DLG2: variants seen among roughly 807,000 people sequenced by gnomAD.
DLG2 encodes disks large homolog 2.
DLG2 carries 45 observed loss-of-function variants against 132.5 expected under a neutral mutation model. The ratio of observed to expected loss-of-function variants is 0.34; its 90% confidence interval spans 0.27 to 0.44. DLG2 has a LOEUF of 0.44. DLG2 is among the 20% of genes least tolerant of loss of function. DLG2 has a pLI of 1.00. For missense variants in DLG2, 1,045 were observed against 1,196.9 expected, an observed-to-expected ratio of 0.87 and a Z score of 1.87; for synonymous variants, 424 against 419.6, an observed-to-expected ratio of 1.01 and a Z score of -0.13.
chr11:83,581,361 A>C (rs2096972802), intron 19 of DLG2, among the ~76,000 whole-genome samples: 1 of 152,210 alleles, frequency 6.6e-6, no homozygotes, highest in Non-Finnish European at 1.5e-5. Context: ...TCTCAGATTC[A>C]AGAAACAGAA....
At chr11:84,617,752 G>A (rs1231895658) in intron 6 of DLG2, among the ~76,000 whole-genome samples, 1 of 152,062 alleles carries the variant, frequency 6.6e-6, no homozygotes, top group Non-Finnish European at 1.5e-5. Flanking sequence ...ATAAAAGTGA[G>A]CACTACTAAT....
chr11:83,966,876 T>C (rs1390958085), intron 12 of DLG2, among the ~76,000 whole-genome samples: 1 of 152,050 alleles, frequency 6.6e-6, no homozygotes, highest in Non-Finnish European at 1.5e-5. Context: ...TTTTTATCCT[T>C]TCATCTGTAT....
intron 7 of DLG2, among the ~76,000 whole-genome samples, chr11:84,342,334 G>C (rs4944486): frequency 0.02 from 3,104 of 152,316 alleles, 98 homozygotes; most frequent in South Asian, 0.13. Flanking sequence ...TACTAATACA[G>C]CAGGAGTGTA....
intron 6 of DLG2, among the ~76,000 whole-genome samples, chr11:85,076,088 A>C (rs142129882): frequency 6.6e-6 from 1 of 152,064 alleles, no homozygotes. Context: ...ATCTTTCATC[A>C]AAGTAATAAT....
intron 7 of DLG2, among the ~76,000 whole-genome samples, chr11:84,492,694 C>T (rs1047075397): frequency 1.3e-5 from 2 of 152,142 alleles, no homozygotes; most frequent in Admixed American, 1.3e-4. Context: ...CTGTTTTTGT[C>T]ATCCTCATCA....
At chr11:84,079,278 G>GTTTTTTTTTTTTTGT (rs34283629) in intron 10 of DLG2, among the ~76,000 whole-genome samples, 1 of 147,264 alleles carries the variant, frequency 6.8e-6, no homozygotes. Context: ...TTTTTGGTTT[G>GTTTTTTTTTTTTTGT]TTTTTTTTTT....
intron 4 of DLG2, among the ~76,000 whole-genome samples, chr11:85,217,417 T>C (rs2082696233): frequency 6.6e-6 from 1 of 152,014 alleles, no homozygotes; most frequent in Admixed American, 6.6e-5. Context: ...TTGCAAGTCT[T>C]TGCAATGACT....
intron 6 of DLG2, among the ~76,000 whole-genome samples, chr11:84,714,347 G>T (rs1252422949): frequency 6.6e-6 from 1 of 151,960 alleles, no homozygotes; most frequent in African/African-American, 2.4e-5. Flanking sequence ...ATAAACAAAT[G>T]GGCAAACAAA....
At chr11:83,692,350 A>C (rs1278561483) in intron 18 of DLG2, among the ~76,000 whole-genome samples, 1 of 152,248 alleles carries the variant, frequency 6.6e-6, no homozygotes, top group Non-Finnish European at 1.5e-5. Flanking sequence ...AAATGGAAGT[A>C]ATAACATGCC....
intron 6 of DLG2, among the ~76,000 whole-genome samples, chr11:84,620,468 A>G (rs2154541010): frequency 6.6e-6 from 1 of 152,130 alleles, no homozygotes. Flanking sequence ...ACAAAGTGGG[A>G]GAAGACATCT....
chr11:84,231,889 GCA>G (rs1186857727), intron 8 of DLG2, among the ~76,000 whole-genome samples: 24 of 152,026 alleles, frequency 1.6e-4, no homozygotes, highest in African/African-American at 5.6e-4. Context: ...GAAGAAGATA[GCA>G]CAGAGACAGG....
intron 7 of DLG2, among the ~76,000 whole-genome samples, chr11:84,406,565 C>T (rs2154450093): frequency 6.6e-6 from 1 of 152,292 alleles, no homozygotes. Context: ...GTTTTGAACT[C>T]TTGGGCTAAA....
At chr11:84,824,931 A>C (rs1445300591) in intron 6 of DLG2, among the ~76,000 whole-genome samples, 1 of 151,890 alleles carries the variant, frequency 6.6e-6, no homozygotes, top group Non-Finnish European at 1.5e-5. Context: ...CACGAGACAC[A>C]TTGCTCCTAT....
intron 6 of DLG2, among the ~76,000 whole-genome samples, chr11:84,975,320 A>C (rs1212430213): frequency 6.6e-6 from 1 of 152,206 alleles, no homozygotes; most frequent in Non-Finnish European, 1.5e-5. Flanking sequence ...TGATGCTATA[A>C]GTTCTAAGCA....
chr11:83,614,744 T>C (rs1329503206), intron 19 of DLG2, among the ~76,000 whole-genome samples: 2 of 152,180 alleles, frequency 1.3e-5, no homozygotes, highest in East Asian at 1.9e-4. Flanking sequence ...ACCAACCAGA[T>C]GCCGTCTTTA....
At chr11:83,567,232 G>A (rs1163201258) in intron 19 of DLG2, among the ~76,000 whole-genome samples, 1 of 152,116 alleles carries the variant, frequency 6.6e-6, no homozygotes, top group African/African-American at 2.4e-5. Context: ...CAGATCCCAA[G>A]CTATAATATT....
intron 6 of DLG2, among the ~76,000 whole-genome samples, chr11:85,102,105 A>G (rs2070951197): frequency 6.6e-6 from 1 of 151,994 alleles, no homozygotes; most frequent in Non-Finnish European, 1.5e-5. Context: ...TAGCTAATTA[A>G]AAAAAAGCCT....
intron 6 of DLG2, among the ~76,000 whole-genome samples, chr11:84,839,525 C>T (rs190777951): frequency 7.9e-5 from 12 of 152,114 alleles, no homozygotes; most frequent in Admixed American, 2.6e-4. Context: ...AAAAAGAGCC[C>T]GCATTGCCAA....
At chr11:84,272,693 T>C (rs1424582053) in intron 7 of DLG2, among the ~76,000 whole-genome samples, 1 of 152,198 alleles carries the variant, frequency 6.6e-6, no homozygotes, top group Non-Finnish European at 1.5e-5. Context: ...CAATTATACT[T>C]TTCAAGATAA....
Sources: gnomAD v4.1 joint callset for allele counts (sites outside exome capture counted in the v4.1 genomes callset) on GRCh38, gnomAD v4.1.1 for gene constraint, MANE v1.5 for transcripts, NCBI Gene and HGNC (gene_info 2026-07-23, HGNC 2026-07-21) for gene names.